The following PRKCQ variants were observed in gnomAD, a reference collection of about 807,000 sequenced individuals.
The protein encoded by PRKCQ is protein kinase C theta.
PRKCQ carries 41 observed loss-of-function variants against 91.2 expected under a neutral mutation model. The ratio of observed to expected loss-of-function variants is 0.45; its 90% CI spans 0.35 to 0.58. The LOEUF (loss-of-function observed/expected upper bound fraction) is 0.58. PRKCQ is among the 20% of genes least tolerant of loss of function. The pLI, the probability that PRKCQ is intolerant of heterozygous loss-of-function variation, is 0.00. For synonymous variants in PRKCQ, 307 were observed against 316.9 expected, an observed-to-expected ratio of 0.97 and a Z score of 0.33; for missense variants, 673 against 896.5, an observed-to-expected ratio of 0.75 and a Z score of 3.18.
intron 1 of PRKCQ, among the ~76,000 whole-genome samples, chr10:6,555,872 G>A (rs1840391782): frequency 6.6e-6 from 1 of 152,048 alleles, no homozygotes; most frequent in South Asian, 2.1e-4. Flanking sequence ...TAGCTGGGGT[G>A]GTGGTGGATG....
At chr10:6,426,146 G>A (rs1011251036), downstream of PRKCQ, among the ~76,000 whole-genome samples, 8 of 152,180 alleles carry the variant, frequency 5.3e-5, no homozygotes, top group Non-Finnish European at 1.0e-4. Context: ...ACCAGAAAGC[G>A]CTCTAGTGAG....
the PRKCQ span, among the ~76,000 whole-genome samples, chr10:6,415,437 T>C: frequency 4.8e-5 from 3 of 61,940 alleles, no homozygotes; most frequent in East Asian, 7.3e-4. Flanking sequence ...TATATATATA[T>C]ATATATATAT....
At chr10:6,395,582 T>A in the PRKCQ span, among the ~76,000 whole-genome samples, 1 of 152,096 alleles carries the variant, frequency 6.6e-6, no homozygotes. Flanking sequence ...AACCATAATT[T>A]CTAATCTTGT....
intron 12 of PRKCQ, among the ~76,000 whole-genome samples, chr10:6,472,960 C>A (rs771883986): frequency 6.6e-6 from 1 of 152,308 alleles, no homozygotes; most frequent in East Asian, 1.9e-4. Context: ...GTGATCCACC[C>A]GCTTCAGCCT....
At chr10:6,453,822 C>T (rs941643159) in intron 15 of PRKCQ, among the ~76,000 whole-genome samples, 2 of 149,414 alleles carry the variant, frequency 1.3e-5, no homozygotes, top group Non-Finnish European at 3.0e-5. Context: ...ATCGCAAGGA[C>T]AAAAAACCAA....
the PRKCQ span, among the ~76,000 whole-genome samples, chr10:6,414,618 T>TAA: frequency 2.0e-4 from 31 of 152,310 alleles, no homozygotes; most frequent in Non-Finnish European, 2.1e-4. Context: ...AAATATCTCT[T>TAA]AACAATTGAA....
intron 11 of PRKCQ, among the ~76,000 whole-genome samples, chr10:6,480,148 C>T (rs112475638): frequency 5.4e-4 from 82 of 152,200 alleles, no homozygotes; most frequent in African/African-American, 1.9e-3. Context: ...GATTTCGTGG[C>T]TCTCGTATCA....
chr10:6,464,187 C>A, intron 13 of PRKCQ, 126 bp downstream of exon 13: 1 of 799,996 alleles, frequency 1.3e-6, no homozygotes, highest in South Asian at 1.5e-5. Context: ...TCGCCTTGCT[C>A]GATGTATTCC....
At chr10:6,565,089 A>C (rs1435409563) in intron 1 of PRKCQ, among the ~76,000 whole-genome samples, 1 of 152,250 alleles carries the variant, frequency 6.6e-6, no homozygotes, top group Non-Finnish European at 1.5e-5. Flanking sequence ...TAGTGTTTAG[A>C]TGAACATTCA....
intron 1 of PRKCQ, among the ~76,000 whole-genome samples, chr10:6,559,106 T>A (rs1840528177): frequency 6.6e-6 from 1 of 152,184 alleles, no homozygotes; most frequent in Non-Finnish European, 1.5e-5. Flanking sequence ...AATAAAAAGT[T>A]AAGGTTTAAA....
chr10:6,545,957 T>C (rs1249561649), intron 1 of PRKCQ, among the ~76,000 whole-genome samples: 1 of 151,906 alleles, frequency 6.6e-6, no homozygotes, highest in Non-Finnish European at 1.5e-5. Context: ...TGAGCTGAGA[T>C]TGTGCCACTG....
rs116113993 is a variant in PRKCQ at position 6,489,243 on chromosome 10, A to G, written c.790+2440T>C. Among the ~76,000 whole-genome samples the G allele has an allele frequency of 3.3e-3, 508 of 152,232 alleles. 1 individual carries two copies. Among genetic ancestry groups the G allele is most frequent in the African/African-American group, 0.012 (484 of 41,532 alleles). ...TTTCTTATGCATCACCGTGACACCA[A>G]GTGAGGTTGTCAGCTAGGATTGAAC... On this transcript the variant is annotated intron_variant, in intron 8 of 17. Transcript: ENST00000263125.
At chr10:6,469,211 A>C (rs750209859) in intron 12 of PRKCQ, among the ~76,000 whole-genome samples, 6 of 152,250 alleles carry the variant, frequency 3.9e-5, no homozygotes, top group Non-Finnish European at 7.3e-5. Flanking sequence ...ATTCAATTAA[A>C]TATGCTCTAC....
intron 1 of PRKCQ, among the ~76,000 whole-genome samples, chr10:6,569,507 C>A (rs1840956103): frequency 6.6e-6 from 1 of 152,054 alleles, no homozygotes; most frequent in South Asian, 2.1e-4. Flanking sequence ...CACTGGGTAG[C>A]CTTTGGAGAA....
At chr10:6,488,431 G>C (rs1489041052) in intron 8 of PRKCQ, among the ~76,000 whole-genome samples, 2 of 150,970 alleles carry the variant, frequency 1.3e-5, no homozygotes, top group Non-Finnish European at 2.9e-5. Context: ...TGTCACCCAG[G>C]CTGGAGTGCA....
intron 14 of PRKCQ, among the ~76,000 whole-genome samples, chr10:6,458,536 G>A (rs758001951): frequency 1.3e-5 from 2 of 152,112 alleles, no homozygotes; most frequent in Non-Finnish European, 2.9e-5. Context: ...ACATCCAGGG[G>A]CACCCTTTCA....
chr10:6,495,222 G>C (rs143031155), intron 7 of PRKCQ, among the ~76,000 whole-genome samples: 2 of 152,268 alleles, frequency 1.3e-5, no homozygotes, highest in African/African-American at 4.8e-5. Context: ...GCATCCCAAA[G>C]TGGGCTTTCT....
rs1284141513 is a variant in PRKCQ, at chr10:6,427,523, T to TTCTA, written c.*680_*683dup. On this transcript the variant is annotated 3_prime_UTR_variant, in exon 18 of 18. Coordinates refer to ENST00000263125, the MANE Select transcript of PRKCQ (RefSeq NM_006257.5). The stretch of plus-strand genomic sequence containing the variant: ...GGCAAGGGTGAAATGATACTATCTT[T>TTCTA]TCTATCTTGACAAGATAACAAGCGA... 2.6e-5 allele frequency: 4 copies of TTCTA among 152,382 alleles called. No individual in the cohort carries two copies. The highest frequency in any genetic ancestry group is 2.1e-4 in the South Asian group (1 of 4,832). The allele number at this position is 152,382 out of a possible 1,614,324, so 9.4% of individuals were successfully genotyped here. A position where few individuals can be genotyped will look rare whatever the true frequency, so the allele number is the denominator to read the frequency against.
chr10:6,539,725 C>T (rs1026956562), intron 1 of PRKCQ, among the ~76,000 whole-genome samples: 4 of 152,162 alleles, frequency 2.6e-5, no homozygotes, highest in Admixed American at 2.6e-4. Flanking sequence ...AAACTGGTCC[C>T]TGGTGCCAAA....
Sources: gnomAD v4.1 joint callset for allele counts (sites outside exome capture counted in the v4.1 genomes callset) on GRCh38, gnomAD v4.1.1 for gene constraint, MANE v1.5 for transcripts, NCBI Gene and HGNC (gene_info 2026-07-23, HGNC 2026-07-21) for gene names.